Variants in COL4A4 observed in about 807,000 individuals in gnomAD.
COL4A4 encodes collagen alpha-4(IV) chain.
Under a neutral mutation model 192.9 loss-of-function variants are expected in COL4A4, and 105 were observed. The ratio of observed to expected loss-of-function variants is 0.54; its 90% CI spans 0.46 to 0.64. COL4A4 has a LOEUF of 0.64. Among genes scored for constraint, COL4A4 ranks in the 30% least tolerant of loss-of-function variants. The pLI, the probability that COL4A4 is intolerant of heterozygous loss-of-function variation, is 0.00. For synonymous variants in COL4A4, 762 were observed against 769.9 expected (o/e 0.99, Z 0.17); for missense variants, 1,967 against 2,169.3 (o/e 0.91, Z 1.85).
At chr2:227,082,571 A>C (rs1293669470) in intron 22 of COL4A4, among the ~76,000 whole-genome samples, 1 of 152,184 alleles carries the variant, frequency 6.6e-6, no homozygotes, top group Non-Finnish European at 1.5e-5. Context: ...TGAGTCAACT[A>C]CCTCAAATTA....
intron 44 of COL4A4, among the ~76,000 whole-genome samples, chr2:227,012,703 T>C (rs1221498115): frequency 6.6e-6 from 1 of 152,140 alleles, no homozygotes; most frequent in Non-Finnish European, 1.5e-5. Context: ...AATGATTGTT[T>C]CAAAGCCTAG....
In COL4A4 at chr2:227,060,256, AAAAAC is replaced by A. The variant is rs1976621323; in HGVS notation, c.2057-18_2057-14del. On this transcript the variant is annotated splice_polypyrimidine_tract_variant and intron_variant, in intron 26 of 47. Coordinates refer to ENST00000396625, the MANE Select transcript of COL4A4 (RefSeq NM_000092.5). ...AATCCCTTCGGACCTAAACAATAAT[AAAAAC>A]AAAACACAGACTCAATAAAACAAAA... The A allele has an allele frequency of 6.3e-7, 1 of 1,580,172 alleles. No homozygotes were observed. The highest frequency in any genetic ancestry group is 1.3e-5 in the African/African-American group (1 of 74,152).
chr2:227,060,463 G>C (rs1976666137), intron 26 of COL4A4, among the ~76,000 whole-genome samples: 1 of 152,158 alleles, frequency 6.6e-6, no homozygotes, highest in Non-Finnish European at 1.5e-5. Flanking sequence ...TTTCTCAGAA[G>C]CCATCCTGTG....
At chr2:227,090,987 G>A (rs1162386807) in intron 20 of COL4A4, among the ~76,000 whole-genome samples, 1 of 149,798 alleles carries the variant, frequency 6.7e-6, no homozygotes, top group Non-Finnish European at 1.5e-5. Flanking sequence ...TCTGGAATAA[G>A]AACAACAGTG....
intron 4 of COL4A4, 102 bp downstream of exon 4, chr2:227,140,059 G>A (rs1008832967): frequency 2.5e-5 from 24 of 961,622 alleles, no homozygotes; most frequent in African/African-American, 9.7e-5. Flanking sequence ...AAACATTATC[G>A]AGGACTAAAA....
chr2:227,042,298 T>C (rs781105095), intron 36 of COL4A4, 43 bp from the exon 37 acceptor site: 1 of 1,101,536 alleles, frequency 9.1e-7, no homozygotes, highest in South Asian at 1.2e-5. Flanking sequence ...AGATAATAAA[T>C]GAATTACATT....
rs142919068 is a variant in COL4A4, at chr2:227,015,347, A to G, written c.4217-3050T>C. 6.7e-4 allele frequency among the ~76,000 whole-genome samples: 102 copies of G among 152,350 alleles called. 1 individual carries two copies. The highest frequency in any genetic ancestry group is 2.3e-3 in the African/African-American group (94 of 41,580). ...TCAGAGTAGTTACTGGACCAGCAGC[A>G]GCAGCGGCAGCACCTGGGAATATGT... On this transcript the variant is annotated intron_variant, in intron 44 of 47. Transcript: ENST00000396625.
Position 227,060,118 on chromosome 2 carries a change from A to AAAAAAAAAAAAAAAAC in COL4A4, c.2164+17_2164+18insGTTTTTTTTTTTTTTT. On this transcript the variant is annotated intron_variant, in intron 27 of 47. Coordinates refer to ENST00000396625, the MANE Select transcript of COL4A4 (RefSeq NM_000092.5). The stretch of plus-strand genomic sequence containing the variant: ...CCAAAGCAGAAAAAAAAAAAAAAAA[A>AAAAAAAAAAAAAAAAC]AAAAAAACCTCACTGACCAGGTGGA... 7.3e-7 allele frequency: 1 copy of AAAAAAAAAAAAAAAAC among 1,372,246 alleles called. No individual in the cohort carries two copies. Among genetic ancestry groups the AAAAAAAAAAAAAAAAC allele is most frequent in the African/African-American group, 1.5e-5 (1 of 67,886 alleles). 85.0% of individuals were successfully genotyped at this position (1,372,246 alleles called of 1,614,324 possible).
At chr2:227,148,818 C>T (rs976497478) in intron 1 of COL4A4, among the ~76,000 whole-genome samples, 3 of 150,608 alleles carry the variant, frequency 2.0e-5, no homozygotes, top group Non-Finnish European at 3.0e-5. Context: ...AGAAGGAAAC[C>T]GGGAATGTTC....
At chr2:226,983,531 C>T in the COL4A4 span, among the ~76,000 whole-genome samples, 1 of 152,158 alleles carries the variant, frequency 6.6e-6, no homozygotes, top group Non-Finnish European at 1.5e-5. Flanking sequence ...TCCAGGGTGA[C>T]CTAAACTTGA....
chr2:227,117,646 TA>T (rs35388222), intron 7 of COL4A4, among the ~76,000 whole-genome samples: 5,474 of 136,590 alleles, frequency 0.04, 281 homozygotes, highest in African/African-American at 0.12. Flanking sequence ...GGAGAAATGC[TA>T]AAAAAAAAAA....
chr2:227,044,954 A>C (rs1226575617), intron 35 of COL4A4, among the ~76,000 whole-genome samples: 1 of 152,216 alleles, frequency 6.6e-6, no homozygotes, highest in Non-Finnish European at 1.5e-5. Flanking sequence ...GAACAGGCAA[A>C]TTTGGCCAAG....
At chr2:227,009,506 C>T (rs1963045515) in intron 46 of COL4A4, among the ~76,000 whole-genome samples, 1 of 151,990 alleles carries the variant, frequency 6.6e-6, no homozygotes, top group African/African-American at 2.4e-5. Flanking sequence ...ATATTCGAGA[C>T]CTACCTGGCC....
Position 227,114,817 on chromosome 2 carries a change from A to C in COL4A4, c.490-121T>G, listed in dbSNP as rs12465531. The C allele has an allele frequency of 0.47, 370,842 of 797,298 alleles. 94,161 individuals are homozygous for C. Among genetic ancestry groups the C allele is most frequent in the East Asian group, 0.79 (29,385 of 37,376 alleles). 49.4% of individuals were successfully genotyped at this position (797,298 alleles called of 1,614,324 possible). On this transcript the variant is annotated intron_variant, in intron 7 of 47. Transcript: ENST00000396625. ...TACCATTATTGACATGATTAACAAG[A>C]AGACATTTCTGTATCCTCTTCCATA...
chr2:227,009,706 A>AAAAGG (rs1963129550), intron 46 of COL4A4, among the ~76,000 whole-genome samples: 1 of 138,786 alleles, frequency 7.2e-6, no homozygotes, highest in African/African-American at 2.8e-5. Context: ...TCAAAAAAAA[A>AAAAGG]AAAAGAGGAA....
intron 25 of COL4A4, among the ~76,000 whole-genome samples, chr2:227,075,067 C>A (rs1458750983): frequency 6.6e-6 from 1 of 152,138 alleles, no homozygotes; most frequent in Non-Finnish European, 1.5e-5. Flanking sequence ...CGAAGTTTAC[C>A]AGAGCTACAA....
At chr2:227,056,779 A>C (rs1206559009) in intron 29 of COL4A4, among the ~76,000 whole-genome samples, 3 of 152,242 alleles carry the variant, frequency 2.0e-5, no homozygotes, top group African/African-American at 7.2e-5. Context: ...CTCATGAATA[A>C]GATTGGTGAC....
Position 227,162,155 on chromosome 2 carries a change from C to G in COL4A4, c.-102+1852G>C, listed in dbSNP as rs954851472. Among the ~76,000 whole-genome samples, 62 of 152,172 alleles carry G rather than the reference C, an allele frequency of 4.1e-4. 1 individual carries two copies. On this transcript the variant is annotated intron_variant, in intron 1 of 47. Transcript: ENST00000396625. ...GAGTCTACTCCAGAGGTCAAGCTCTCCAGCATTGCCTCTTTCTTGCTGTAT... is the reference window on the plus strand; with the variant it reads ...GAGTCTACTCCAGAGGTCAAGCTCTGCAGCATTGCCTCTTTCTTGCTGTAT...
the COL4A4 span, among the ~76,000 whole-genome samples, chr2:226,968,698 A>G: frequency 6.6e-6 from 1 of 152,176 alleles, no homozygotes; most frequent in African/African-American, 2.4e-5. Flanking sequence ...GAAAATGGGG[A>G]ATTTTTAAGT....
Sources: gnomAD v4.1 joint callset for allele counts (sites outside exome capture counted in the v4.1 genomes callset) on GRCh38, gnomAD v4.1.1 for gene constraint, MANE v1.5 for transcripts, NCBI Gene and HGNC (gene_info 2026-07-23, HGNC 2026-07-21) for gene names.